GRXCR1: variants seen among roughly 807,000 people sequenced by gnomAD.
The protein encoded by GRXCR1 is glutaredoxin and cysteine rich domain containing 1.
GRXCR1 carries 27 observed loss-of-function variants against 27.3 expected under a neutral mutation model. The ratio of observed to expected loss-of-function variants is 0.99; its 90% CI spans 0.73 to 1.37. The LOEUF is 1.37. Among genes scored for constraint, GRXCR1 ranks in the 40% most tolerant of loss-of-function variants. The pLI, the probability that GRXCR1 is intolerant of heterozygous loss-of-function variation, is 0.00. For missense variants in GRXCR1, 379 were observed against 354.4 expected, an observed-to-expected ratio of 1.07 and a Z score of -0.56; for synonymous variants, 122 against 131.1, an observed-to-expected ratio of 0.93 and a Z score of 0.47.
chr4:42,904,870 C>A lies in GRXCR1; in HGVS notation c.384+11220C>A, dbSNP rs12506629. ...TAGCTACTGTAACATATGGCAAGAA[C>A]TCAAGAGCTTATTAAGGAACAGAGG... On this transcript the variant is annotated intron_variant, in intron 1 of 3. Coordinates refer to ENST00000399770, the MANE Select transcript of GRXCR1 (RefSeq NM_001080476.3). 3.8e-3 allele frequency among the ~76,000 whole-genome samples: 585 copies of A among 152,254 alleles called. 2 individuals are homozygous for A. Among genetic ancestry groups the A allele is most frequent in the Non-Finnish European group, 5.4e-3 (365 of 68,024 alleles).
chr4:42,990,464 A>G (rs908583795), intron 2 of GRXCR1, among the ~76,000 whole-genome samples: 1 of 151,814 alleles, frequency 6.6e-6, no homozygotes, highest in African/African-American at 2.4e-5. Context: ...GTGCTAGTTC[A>G]TTTATTTTTA....
chr4:42,922,944 CATCACCTT>C (rs1747054156), intron 1 of GRXCR1, among the ~76,000 whole-genome samples: 1 of 152,072 alleles, frequency 6.6e-6, no homozygotes, highest in Non-Finnish European at 1.5e-5. Context: ...TGTGCCCTTC[CATCACCTT>C]GCCAGCTCTC....
chr4:42,959,345 C>A (rs1230347910), intron 1 of GRXCR1, among the ~76,000 whole-genome samples: 1 of 151,496 alleles, frequency 6.6e-6, no homozygotes, highest in Non-Finnish European at 1.5e-5. Context: ...ACTGCGTGAT[C>A]TCGTTTATAT....
intron 2 of GRXCR1, among the ~76,000 whole-genome samples, chr4:42,990,604 A>G (rs554467493): frequency 6.6e-6 from 1 of 152,154 alleles, no homozygotes; most frequent in East Asian, 1.9e-4. Context: ...GTTTTCCCTC[A>G]TTGACCTAAT....
At chr4:42,934,803 A>G (rs1445469870) in intron 1 of GRXCR1, among the ~76,000 whole-genome samples, 19 of 152,012 alleles carry the variant, frequency 1.2e-4, no homozygotes, top group Admixed American at 1.2e-3. Flanking sequence ...ACTTGATAAG[A>G]GTTGATTGGT....
intron 1 of GRXCR1, among the ~76,000 whole-genome samples, chr4:42,903,464 A>G (rs1014939224): frequency 1.4e-5 from 2 of 145,718 alleles, no homozygotes; most frequent in Non-Finnish European, 3.0e-5. Flanking sequence ...GGCACCCACC[A>G]CCACGCCAGG....
intron 1 of GRXCR1, among the ~76,000 whole-genome samples, chr4:42,951,396 C>T (rs1002885390): frequency 6.6e-6 from 1 of 152,166 alleles, no homozygotes; most frequent in African/African-American, 2.4e-5. Flanking sequence ...CGACACATAA[C>T]ATTAACCATC....
intron 2 of GRXCR1, among the ~76,000 whole-genome samples, chr4:43,015,813 A>ATT (rs1712914021): frequency 6.6e-6 from 1 of 151,562 alleles, no homozygotes; most frequent in Non-Finnish European, 1.5e-5. Context: ...TCACATATAA[A>ATT]TATATGTGTA....
intron 2 of GRXCR1, among the ~76,000 whole-genome samples, chr4:42,993,522 C>G (rs1289378567): frequency 6.6e-6 from 1 of 152,064 alleles, no homozygotes; most frequent in Non-Finnish European, 1.5e-5. Context: ...TACACTTAAC[C>G]TGTTGAACAT....
At chr4:43,024,192 C>G (rs1713181171) in intron 3 of GRXCR1, among the ~76,000 whole-genome samples, 1 of 27,052 alleles carries the variant, frequency 3.7e-5, no homozygotes, top group African/African-American at 2.1e-4. Flanking sequence ...TGTCCATTTT[C>G]TGTCCTTTTT....
chr4:42,914,939 A>G (rs1293567610), intron 1 of GRXCR1, among the ~76,000 whole-genome samples: 2 of 151,896 alleles, frequency 1.3e-5, no homozygotes, highest in African/African-American at 4.8e-5. Flanking sequence ...CTCTCCTGTC[A>G]CCCTCTAAAG....
chr4:42,915,708 A>G (rs1000328541), intron 1 of GRXCR1, among the ~76,000 whole-genome samples: 1 of 152,046 alleles, frequency 6.6e-6, no homozygotes, highest in Non-Finnish European at 1.5e-5. Flanking sequence ...TCATGAGATG[A>G]TGAGTCATAG....
chr4:42,925,732 A>G (rs566839592), intron 1 of GRXCR1, among the ~76,000 whole-genome samples: 2 of 152,126 alleles, frequency 1.3e-5, no homozygotes, highest in South Asian at 2.1e-4. Context: ...AATGAGCTGG[A>G]AAGATAGAGT....
At chr4:42,972,170 T>C (rs1748404045) in intron 2 of GRXCR1, among the ~76,000 whole-genome samples, 3 of 152,264 alleles carry the variant, frequency 2.0e-5, no homozygotes, top group Admixed American at 1.3e-4. Context: ...CTATCATAGC[T>C]AATTTTCATT....
chr4:42,952,041 T>C (rs1747895083), intron 1 of GRXCR1, among the ~76,000 whole-genome samples: 1 of 152,204 alleles, frequency 6.6e-6, no homozygotes, highest in Non-Finnish European at 1.5e-5. Context: ...GAAATCTTTT[T>C]ATGCAAAGAT....
At chr4:42,938,190 G>A (rs955221197) in intron 1 of GRXCR1, among the ~76,000 whole-genome samples, 4 of 151,976 alleles carry the variant, frequency 2.6e-5, no homozygotes, top group Non-Finnish European at 5.9e-5. Context: ...TTGTCTTTCT[G>A]TGTCAGCTTA....
chr4:42,964,911 A>G (rs1355525437), intron 2 of GRXCR1, among the ~76,000 whole-genome samples: 1 of 152,068 alleles, frequency 6.6e-6, no homozygotes, highest in African/African-American at 2.4e-5. Flanking sequence ...TGTAAGGGCT[A>G]TGAACATTTC....
intron 2 of GRXCR1, among the ~76,000 whole-genome samples, chr4:42,979,074 CCT>C (rs35477496): frequency 0.081 from 12,307 of 152,102 alleles, 600 homozygotes; most frequent in African/African-American, 0.14. Flanking sequence ...GTCAATCAAA[CCT>C]CTCTCTCCTT....
chr4:42,999,787 C>T (rs577179735), intron 2 of GRXCR1, among the ~76,000 whole-genome samples: 56 of 152,216 alleles, frequency 3.7e-4, no homozygotes, highest in Non-Finnish European at 6.0e-4. Flanking sequence ...AAAAAGTAGA[C>T]AACTTGATGC....
Sources: allele counts gnomAD v4.1 joint callset (sites outside exome capture counted in the v4.1 genomes callset), GRCh38; gene constraint gnomAD v4.1.1; transcripts MANE v1.5; gene names NCBI Gene and HGNC (gene_info 2026-07-23, HGNC 2026-07-21).